KLHL32: variants seen among roughly 807,000 people sequenced by gnomAD.
The protein encoded by KLHL32 is kelch like family member 32, also known as kelch-like protein 32.
Under a neutral mutation model 64.8 loss-of-function variants are expected in KLHL32, and 35 were observed. The ratio of observed to expected loss-of-function variants is 0.54; its 90% CI spans 0.41 to 0.72. The LOEUF (loss-of-function observed/expected upper bound fraction) is 0.72. Ranked by LOEUF, KLHL32 falls within the 30% of genes least tolerant of loss-of-function variation. KLHL32 has a pLI of 0.00. For missense variants in KLHL32, 589 were observed against 768.5 expected, an observed-to-expected ratio of 0.77 and a Z score of 2.76; for synonymous variants, 259 against 281.0, an observed-to-expected ratio of 0.92 and a Z score of 0.78.
At chr6:96,938,303 C>T (rs1041787140) in intron 1 of KLHL32, among the ~76,000 whole-genome samples, 2 of 152,168 alleles carry the variant, frequency 1.3e-5, no homozygotes. Context: ...TTCAGGCTCA[C>T]CAGCATCAGG....
At chr6:97,100,148 T>C (rs564701514) in intron 6 of KLHL32, among the ~76,000 whole-genome samples, 4 of 151,920 alleles carry the variant, frequency 2.6e-5, no homozygotes, top group Non-Finnish European at 5.9e-5. Context: ...TCTCAAAAAA[T>C]ACATATATAA....
At chr6:97,014,049 G>T (rs1457482760) in intron 3 of KLHL32, among the ~76,000 whole-genome samples, 1 of 152,098 alleles carries the variant, frequency 6.6e-6, no homozygotes, top group Non-Finnish European at 1.5e-5. Flanking sequence ...GCTCACGCTT[G>T]TAACCCCACC....
intron 6 of KLHL32, among the ~76,000 whole-genome samples, chr6:97,096,575 T>C (rs1583014145): frequency 1.3e-5 from 2 of 152,386 alleles, no homozygotes; most frequent in East Asian, 3.9e-4. Flanking sequence ...TTATGCTAGA[T>C]TTAGCCTGGC....
chr6:97,093,219 A>T (rs1466942453), intron 6 of KLHL32, among the ~76,000 whole-genome samples: 1 of 152,218 alleles, frequency 6.6e-6, no homozygotes, highest in Non-Finnish European at 1.5e-5. Flanking sequence ...TATATGAGGT[A>T]GAAACCCTGA....
chr6:96,976,126 G>A lies in KLHL32; in HGVS notation c.153G>A (p.Gln51=). 6.2e-7 allele frequency: 1 copy of A among 1,607,288 alleles called. No individual in the cohort carries two copies. The highest frequency in any genetic ancestry group is 8.5e-7 in the Non-Finnish European group (1 of 1,175,108). Residue 51 remains glutamine (Q), a synonymous_variant, in exon 3 of 11, where the codon CAG becomes CAA. Coordinates refer to ENST00000369261, the MANE Select transcript of KLHL32 (RefSeq NM_052904.4). The part of the protein sequence containing the change: ...LCDITLIAEE[Q]KFHAHKAVLA... ...ACATCACCCTGATTGCTGAGGAACA[G>A]AAATTCCATGCTCACAAGGCAGTCC...
At chr6:97,059,224 A>G (rs555941110) in intron 4 of KLHL32, among the ~76,000 whole-genome samples, 1 of 152,312 alleles carries the variant, frequency 6.6e-6, no homozygotes, top group South Asian at 2.1e-4. Flanking sequence ...ATTTTGACAT[A>G]TGGAAATTAA....
Position 97,064,996 on chromosome 6 carries a change from T to C in KLHL32, c.411+270T>C, listed in dbSNP as rs540819495. ...GAGCAGCCGATCAACTCAGTGACCATGCACAGGGTTCCCTGCAGGAGCCGG... is the reference window on the plus strand; with the variant it reads ...GAGCAGCCGATCAACTCAGTGACCACGCACAGGGTTCCCTGCAGGAGCCGG... On this transcript the variant is annotated intron_variant, in intron 5 of 10. Transcript: ENST00000369261. Among the ~76,000 whole-genome samples the C allele has an allele frequency of 6.6e-5, 10 of 152,286 alleles. No homozygotes were observed. In the East Asian group the frequency reaches 1.9e-3, roughly 29 times the overall value.
intron 7 of KLHL32, among the ~76,000 whole-genome samples, chr6:97,116,648 T>C (rs1263263773): frequency 6.6e-6 from 1 of 152,206 alleles, no homozygotes; most frequent in African/African-American, 2.4e-5. Flanking sequence ...TTCCCTTACA[T>C]AGTCTTAAAG....
chr6:96,978,536 G>A (rs1324256973), intron 3 of KLHL32, among the ~76,000 whole-genome samples: 2 of 152,018 alleles, frequency 1.3e-5, no homozygotes, highest in African/African-American at 4.8e-5. Context: ...TCTTTATCCT[G>A]TCTACCACTG....
intron 3 of KLHL32, among the ~76,000 whole-genome samples, chr6:97,018,462 G>A (rs552598248): frequency 8.6e-5 from 13 of 151,070 alleles, no homozygotes; most frequent in South Asian, 2.1e-4. Flanking sequence ...GCGTGTTGGC[G>A]CACTCCTGTG....
intron 6 of KLHL32, among the ~76,000 whole-genome samples, chr6:97,103,025 C>T (rs146406832): frequency 1.7e-4 from 26 of 150,530 alleles, no homozygotes; most frequent in South Asian, 8.5e-4. Flanking sequence ...TTTACCTCTA[C>T]GAGGTAAATA....
intron 5 of KLHL32, among the ~76,000 whole-genome samples, chr6:97,075,237 T>C (rs1791416109): frequency 6.6e-6 from 1 of 152,210 alleles, no homozygotes; most frequent in Admixed American, 6.5e-5. Flanking sequence ...ACTTTTGAAT[T>C]GCTGCTAATA....
upstream of KLHL32, among the ~76,000 whole-genome samples, chr6:96,921,653 C>T (rs1279152035): frequency 6.6e-6 from 1 of 152,180 alleles, no homozygotes; most frequent in East Asian, 1.9e-4. Flanking sequence ...TGACAATTTC[C>T]TCCTTACTTG....
intron 7 of KLHL32, among the ~76,000 whole-genome samples, chr6:97,116,014 A>T (rs1201608542): frequency 1.3e-5 from 2 of 152,140 alleles, no homozygotes; most frequent in African/African-American, 4.8e-5. Context: ...TGTCCTCAAT[A>T]ACCAGGAAGA....
the KLHL32 span, among the ~76,000 whole-genome samples, chr6:96,908,449 C>G: frequency 1.3e-5 from 2 of 152,176 alleles, no homozygotes; most frequent in Non-Finnish European, 1.5e-5. Flanking sequence ...ATGTTATTAA[C>G]AGGGTTCTGC....
intron 6 of KLHL32, among the ~76,000 whole-genome samples, chr6:97,093,509 A>G (rs1583003277): frequency 6.6e-6 from 1 of 152,194 alleles, no homozygotes; most frequent in South Asian, 2.1e-4. Context: ...CAGAAACTCA[A>G]AGTACCTTAT....
chr6:97,061,960 C>T (rs1788982925), intron 4 of KLHL32, among the ~76,000 whole-genome samples: 1 of 152,166 alleles, frequency 6.6e-6, no homozygotes, highest in African/African-American at 2.4e-5. Context: ...TAAGTGAGAA[C>T]AGCTGTCCTG....
intron 7 of KLHL32, among the ~76,000 whole-genome samples, chr6:97,124,549 T>A (rs1270965407): frequency 6.6e-6 from 1 of 152,320 alleles, no homozygotes; most frequent in East Asian, 1.9e-4. Flanking sequence ...TAATCTATAA[T>A]GGGCAGAGTC....
chr6:96,965,628 G>T (rs1364909659), intron 1 of KLHL32, among the ~76,000 whole-genome samples: 10 of 152,164 alleles, frequency 6.6e-5, no homozygotes, highest in Admixed American at 5.9e-4. Context: ...GTCCATGCCT[G>T]TTGGAGTTTG....
Sources: allele counts gnomAD v4.1 joint callset (sites outside exome capture counted in the v4.1 genomes callset), GRCh38; gene constraint gnomAD v4.1.1; transcripts MANE v1.5; gene names NCBI Gene and HGNC (gene_info 2026-07-23, HGNC 2026-07-21).